The following COL6A3 variants were observed in gnomAD, a reference collection of about 807,000 sequenced individuals.
COL6A3 encodes the protein collagen alpha-3(VI) chain.
In COL6A3, 137 loss-of-function variants were observed where a neutral mutation model predicts 274.1. The ratio of observed to expected loss-of-function variants is 0.50; its 90% CI spans 0.44 to 0.58. The LOEUF is 0.58. Among genes scored for constraint, COL6A3 ranks in the 20% least tolerant of loss-of-function variants. The pLI, the probability that COL6A3 is intolerant of heterozygous loss-of-function variation, is 0.00. For missense variants in COL6A3, 3,950 were observed against 4,124.9 expected (o/e 0.96, Z 1.16); for synonymous variants, 1,650 against 1,650.6 (o/e 1.00, Z 0.01).
intron 22 of COL6A3, 52 bp downstream of exon 22, chr2:237,357,765 C>T (rs2077349344): frequency 6.3e-7 from 1 of 1,580,854 alleles, no homozygotes. Flanking sequence ...AGAAGTGTGT[C>T]CTTTCTCTTG....
At position 237,344,097 on chromosome 2, in the gene COL6A3, T is replaced by C; in HGVS notation, c.7668+253A>G. Reference sequence around the variant, plus strand: ...AGAGTGTCACCAACACTAGCATCACTAACCGGCAAGAGCTGTCAACATGTG... The same window carrying C: ...AGAGTGTCACCAACACTAGCATCACCAACCGGCAAGAGCTGTCAACATGTG... On this transcript the variant is annotated intron_variant, in intron 36 of 43. Coordinates refer to ENST00000295550, the MANE Select transcript of COL6A3 (RefSeq NM_004369.4). This position sits in a 1 kb window ranked among gnomAD's most constrained non-coding sequence, Gnocchi z 4.8. 1.7e-6 allele frequency: 1 copy of C among 582,058 alleles called. No individual in the cohort carries two copies. The highest frequency in any genetic ancestry group is 1.9e-5 in the South Asian group (1 of 52,784). The allele number at this position is 582,058 out of a possible 1,614,324, so 36.1% of individuals were successfully genotyped here.
At position 237,377,259 on chromosome 2, in the gene COL6A3, C is replaced by A; in HGVS notation, c.2583G>T (p.Lys861Asn). Residue 861 changes from lysine (K) to asparagine (N), a missense_variant, in exon 7 of 44, where the codon AAG becomes AAT. Lys to Asn is a moderately conservative substitution (Grantham distance 94). Transcript: ENST00000295550. ...QFPVVRDFLY[K>N]IIDELNVKPE... is the part of the protein sequence containing the mutation. ...GCTTCACATTGAGCTCATCGATAAT[C>A]TTGTAGAGAAAGTCACGGACAACAG... The A allele has an allele frequency of 6.2e-7, 1 of 1,609,990 alleles. No individual in the cohort carries two copies. Among genetic ancestry groups the A allele is most frequent in the Non-Finnish European group, 8.5e-7 (1 of 1,180,016 alleles).
chr2:237,343,516 A>C (rs2077034849), intron 36 of COL6A3: 1 of 2,986 alleles, frequency 3.3e-4, no homozygotes, highest in South Asian at 6.1e-3. Flanking sequence ...CTCTGTCTCA[A>C]AAAAAAAAAA....
At chr2:237,399,203 C>A (rs1182243520) in intron 1 of COL6A3, among the ~76,000 whole-genome samples, 1 of 152,110 alleles carries the variant, frequency 6.6e-6, no homozygotes, top group African/African-American at 2.4e-5. Context: ...TGAATTTGGG[C>A]TTTTTAGGAA....
At chr2:237,411,322 C>T (rs952519252) in intron 1 of COL6A3, among the ~76,000 whole-genome samples, 5 of 152,256 alleles carry the variant, frequency 3.3e-5, no homozygotes, top group East Asian at 3.9e-4. Flanking sequence ...CACGACTTGC[C>T]GGTGAATTTT....
intron 21 of COL6A3, among the ~76,000 whole-genome samples, 194 bp downstream of exon 21, chr2:237,358,327 C>G (rs2077362308): frequency 6.6e-6 from 1 of 152,204 alleles, no homozygotes; most frequent in Admixed American, 6.5e-5. Context: ...ACAGGACTTG[C>G]AAATGATTAT....
chr2:237,409,613 C>T (rs1210801778), intron 1 of COL6A3, among the ~76,000 whole-genome samples: 7 of 151,924 alleles, frequency 4.6e-5, no homozygotes, highest in African/African-American at 7.3e-5. Flanking sequence ...TTATCTCAAG[C>T]GAACAGACAT....
Position 237,342,095 on chromosome 2 carries a change from C to T in COL6A3, c.7735G>A (p.Glu2579Lys). The T allele has an allele frequency of 6.2e-7, 1 of 1,614,194 alleles. No homozygotes were observed. Among genetic ancestry groups the T allele is most frequent in the African/African-American group, 1.3e-5 (1 of 75,060 alleles). ...PAGRDLTDFL[E>K]NVLTCHVCLD... Reference sequence around the variant, plus strand: ...CAAACATGACACGTGAGGACATTCTCCAGGAAGTCTGTGAGGTCTCTCCCT... The same window carrying T: ...CAAACATGACACGTGAGGACATTCTTCAGGAAGTCTGTGAGGTCTCTCCCT... Residue 2579 changes from glutamate to lysine, a missense_variant, in exon 37 of 44, where the codon GAG becomes AAG. Physicochemically the swap from Glu to Lys is moderately conservative, Grantham distance 56. Coordinates refer to ENST00000295550, the MANE Select transcript of COL6A3 (RefSeq NM_004369.4).
At chr2:237,386,818 G>C (rs2078154468) in intron 4 of COL6A3, among the ~76,000 whole-genome samples, 1 of 152,156 alleles carries the variant, frequency 6.6e-6, no homozygotes, top group Admixed American at 6.5e-5. Flanking sequence ...TCAGAAAACA[G>C]TTCAAAAGGT....
rs774115247 is a variant in COL6A3, at chr2:237,354,922, G to A, written c.6604C>T (p.Arg2202Ter). Residue 2202 changes from arginine to a stop codon, truncating the protein, a stop_gained, in exon 24 of 44, where the codon CGA becomes TGA. Coordinates refer to ENST00000295550, the MANE Select transcript of COL6A3 (RefSeq NM_004369.4). LOFTEE classifies it high-confidence loss of function. Reference sequence around the variant, plus strand: ...ACCTTAGCTCCGGGGGGTCCCCTTCGGCCAAAGCCACCCTGTGGAAGAAAA... The same window carrying A: ...ACCTTAGCTCCGGGGGGTCCCCTTCAGCCAAAGCCACCCTGTGGAAGAAAA... ...GETGKNGGFG[R>*]RGPPGAKGNK... The A allele has an allele frequency of 1.9e-6, 3 of 1,613,710 alleles. No homozygotes were observed. The highest frequency in any genetic ancestry group is 2.2e-5 in the East Asian group (1 of 44,882).
intron 39 of COL6A3, among the ~76,000 whole-genome samples, chr2:237,337,657 A>T (rs1700616194): frequency 6.6e-6 from 1 of 152,164 alleles, no homozygotes; most frequent in South Asian, 2.1e-4. Flanking sequence ...CTTCCCTCCA[A>T]AGCATGACAC....
rs1200022730 is a variant in COL6A3, at chr2:237,407,236, A to G, written c.-31+6717T>C. Among the ~76,000 whole-genome samples, 3 of 152,122 alleles carry G rather than the reference A, an allele frequency of 2.0e-5. No homozygotes were observed. The highest frequency in any genetic ancestry group is 1.5e-5 in the Non-Finnish European group (1 of 68,028). On this transcript the variant is annotated intron_variant, in intron 1 of 43. Transcript: ENST00000295550. This position sits in a 1 kb window ranked among gnomAD's most constrained non-coding sequence, Gnocchi z 4.3. ...CTTTGAATTTCTATTCTATGAAAAT[A>G]CTCTAGAACAATAATCTGTTTGACT...
At position 237,325,557 on chromosome 2, in the gene COL6A3, T is replaced by G. The variant is rs965604693; in HGVS notation, c.9493+3A>C. The G allele has an allele frequency of 1.2e-6, 2 of 1,614,046 alleles. No homozygotes were observed. The highest frequency in any genetic ancestry group is 1.7e-6 in the Non-Finnish European group (2 of 1,180,028). On this transcript the variant is annotated splice_donor_region_variant and intron_variant, in intron 43 of 43. Transcript: ENST00000295550. The stretch of plus-strand genomic sequence containing the variant: ...GCCATAAACACAAGGAAGAATCACT[T>G]ACCAGGAGCGCAAACCTTTTCACAT...
intron 1 of COL6A3, among the ~76,000 whole-genome samples, chr2:237,404,209 T>C (rs2078666934): frequency 1.3e-5 from 2 of 152,212 alleles, no homozygotes; most frequent in African/African-American, 4.8e-5. Flanking sequence ...AATGTTTTAA[T>C]ACGGGATCAA....
chr2:237,402,187 GA>G (rs2078607813), intron 1 of COL6A3, among the ~76,000 whole-genome samples: 1 of 152,128 alleles, frequency 6.6e-6, no homozygotes, highest in South Asian at 2.1e-4. Context: ...CAAAGTCTTA[GA>G]AAAAGAACCT....
chr2:237,361,187 A>G lies in COL6A3; in HGVS notation c.6157-13T>C. On this transcript the variant is annotated splice_polypyrimidine_tract_variant and intron_variant, in intron 15 of 43. Coordinates refer to ENST00000295550, the MANE Select transcript of COL6A3 (RefSeq NM_004369.4). The surrounding 1 kb of genome is among the most constrained non-coding windows in gnomAD (Gnocchi z 5.1). ...CTCCAGGAATACCCTGAAACAAAGTAATCGGGTCCTCTGTTTAATCCCGTG... is the reference window on the plus strand; with the variant it reads ...CTCCAGGAATACCCTGAAACAAAGTGATCGGGTCCTCTGTTTAATCCCGTG... 2 of 1,613,224 alleles carry G rather than the reference A, an allele frequency of 1.2e-6. No individual in the cohort carries two copies. Among genetic ancestry groups the G allele is most frequent in the South Asian group, 1.1e-5 (1 of 91,056 alleles).
Position 237,377,179 on chromosome 2 carries a change from G to A in COL6A3, c.2663C>T (p.Ser888Phe). Reference protein sequence around the residue: ...AQYSDDVKVESRFDEHQSKPE... With the variant: ...AQYSDDVKVEFRFDEHQSKPE... ...CTTACTCTGGTGCTCATCAAAACGG[G>A]ACTCCACCTTGACATCATCGCTGTA... is the stretch of plus-strand genomic sequence containing the variant. The change falls in exon 7 of 44, where the codon TCC (serine) becomes TTC (phenylalanine). Residue 888 changes from serine (S) to phenylalanine (F), a missense_variant. Ser to Phe is a radical substitution (Grantham distance 155). Around this residue, in one of 5 missense-constraint regions of COL6A3, gnomAD observed 1,934 missense variants for 1,984.3 expected, o/e 0.97. Coordinates refer to ENST00000295550, the MANE Select transcript of COL6A3 (RefSeq NM_004369.4). 1 of 1,614,110 alleles carries A rather than the reference G, an allele frequency of 6.2e-7. No individual in the cohort carries two copies. The highest frequency in any genetic ancestry group is 8.5e-7 in the Non-Finnish European group (1 of 1,180,024).
In COL6A3 at chr2:237,336,446, G is replaced by A; in HGVS notation, c.8654C>T (p.Thr2885Ile). 1.2e-6 allele frequency: 2 copies of A among 1,614,228 alleles called. No individual in the cohort carries two copies. Among genetic ancestry groups the A allele is most frequent in the East Asian group, 2.2e-5 (1 of 44,888 alleles). The change falls in exon 40 of 44, where the codon ACC (threonine) becomes ATC (isoleucine). Residue 2885 changes from threonine to isoleucine, a missense_variant. By Grantham distance (89) the Thr-to-Ile change is moderately conservative (BLOSUM62 -1). Around this residue, in one of 5 missense-constraint regions of COL6A3, gnomAD observed 1,284 missense variants for 1,349.7 expected, o/e 0.95. Coordinates refer to ENST00000295550, the MANE Select transcript of COL6A3 (RefSeq NM_004369.4). ...KPVTTTKPVTTTTKPVTTTTK... is the reference protein window; with the variant it reads ...KPVTTTKPVTITTKPVTTTTK... ...TGTGGTGGTTACAGGCTTTGTTGTG[G>A]TGGTCACCGGCTTCGTCGTAGTCAC... is the stretch of plus-strand genomic sequence containing the variant.
intron 1 of COL6A3, among the ~76,000 whole-genome samples, chr2:237,398,297 C>T (rs972392495): frequency 3.9e-5 from 6 of 152,224 alleles, no homozygotes; most frequent in Non-Finnish European, 7.3e-5. Context: ...CATACCCACG[C>T]GCCTCTGGGG....
Sources: gnomAD v4.1 joint callset for allele counts (sites outside exome capture counted in the v4.1 genomes callset) on GRCh38, gnomAD v4.1.1 for gene constraint, gnomAD v4.1.1 regional missense constraint, Gnocchi (gnomAD v3.1) non-coding constraint, MANE v1.5 for transcripts, NCBI Gene and HGNC (gene_info 2026-07-23, HGNC 2026-07-21) for gene names.